The following PRKAG2 variants were observed in gnomAD, a reference collection of about 807,000 sequenced individuals.
PRKAG2 encodes the protein protein kinase AMP-activated non-catalytic subunit gamma 2.
Under a neutral mutation model 69.6 loss-of-function variants are expected in PRKAG2, and 26 were observed. The observed-to-expected ratio is 0.37, with a 90% CI of 0.27 to 0.52. PRKAG2 has a LOEUF of 0.52. Ranked by LOEUF, PRKAG2 falls within the 20% of genes least tolerant of loss-of-function variation. The pLI, the probability that PRKAG2 is intolerant of heterozygous loss-of-function variation, is 0.90. For missense variants in PRKAG2, 557 were observed against 740.0 expected (o/e 0.75, Z 2.87); for synonymous variants, 293 against 285.0 (o/e 1.03, Z -0.28).
chr7:151,749,794 A>AG (rs973930513), intron 3 of PRKAG2, among the ~76,000 whole-genome samples: 15 of 151,720 alleles, frequency 9.9e-5, no homozygotes, highest in Admixed American at 4.6e-4. Context: ...CTGAAAAAAA[A>AG]AAAAAAAAGG....
intron 3 of PRKAG2, among the ~76,000 whole-genome samples, chr7:151,680,725 T>C (rs1833751059): frequency 6.6e-6 from 1 of 152,232 alleles, no homozygotes; most frequent in East Asian, 1.9e-4. Flanking sequence ...ATTTAAGCAC[T>C]GACCTGCTTC....
intron 4 of PRKAG2, among the ~76,000 whole-genome samples, chr7:151,646,541 C>A (rs1213862344): frequency 6.6e-6 from 1 of 152,132 alleles, no homozygotes; most frequent in East Asian, 1.9e-4. Flanking sequence ...TGTGACCTTG[C>A]TAAATTCACT....
At chr7:151,858,340 T>C (rs188558047) in intron 1 of PRKAG2, among the ~76,000 whole-genome samples, 5 of 152,354 alleles carry the variant, frequency 3.3e-5, no homozygotes, top group Admixed American at 2.0e-4. Flanking sequence ...GCCCAATCTG[T>C]ACCACTTGGT....
chr7:151,633,834 AAT>A (rs1825267987), intron 4 of PRKAG2, among the ~76,000 whole-genome samples: 1 of 152,204 alleles, frequency 6.6e-6, no homozygotes, highest in Admixed American at 6.5e-5. Context: ...CTTTTGGTTT[AAT>A]GCAATTGCTA....
intron 5 of PRKAG2, among the ~76,000 whole-genome samples, chr7:151,608,098 C>T (rs1328453155): frequency 1.3e-5 from 2 of 152,092 alleles, no homozygotes; most frequent in African/African-American, 4.8e-5. Flanking sequence ...GGCGACGCAG[C>T]GACAAGCCAA....
chr7:151,700,580 G>A (rs1009944525), intron 3 of PRKAG2, among the ~76,000 whole-genome samples: 1 of 152,186 alleles, frequency 6.6e-6, no homozygotes, highest in Non-Finnish European at 1.5e-5. Flanking sequence ...TGGGATGGAG[G>A]TCCAGAAATT....
intron 1 of PRKAG2, among the ~76,000 whole-genome samples, chr7:151,842,062 T>C (rs1392029290): frequency 7.0e-6 from 1 of 142,596 alleles, no homozygotes; most frequent in African/African-American, 2.7e-5. Flanking sequence ...GTAGGGATGG[T>C]AGTGATGGTA....
intron 3 of PRKAG2, among the ~76,000 whole-genome samples, chr7:151,686,975 T>C (rs933132639): frequency 1.4e-4 from 21 of 152,226 alleles, no homozygotes; most frequent in African/African-American, 5.1e-4. Context: ...AAGGTTATTC[T>C]CCTAAAAGGA....
chr7:151,822,021 C>T (rs1224627079), intron 1 of PRKAG2, among the ~76,000 whole-genome samples: 2 of 152,220 alleles, frequency 1.3e-5, no homozygotes, highest in Non-Finnish European at 2.9e-5. Context: ...CACCCCAGTG[C>T]GTTCCAGTGC....
chr7:151,794,926 G>A (rs959395960), intron 1 of PRKAG2, among the ~76,000 whole-genome samples: 5 of 152,176 alleles, frequency 3.3e-5, no homozygotes, highest in Non-Finnish European at 5.9e-5. Flanking sequence ...GCCTCCTCAC[G>A]TTGTGGTGGA....
At chr7:151,851,338 T>C (rs2079562342) in intron 1 of PRKAG2, among the ~76,000 whole-genome samples, 1 of 143,562 alleles carries the variant, frequency 7.0e-6, no homozygotes. Context: ...TTGGGGCCTC[T>C]GGCAAAAAAA....
chr7:151,593,841 A>G (rs1255049049), intron 6 of PRKAG2, among the ~76,000 whole-genome samples: 1 of 152,254 alleles, frequency 6.6e-6, no homozygotes, highest in Non-Finnish European at 1.5e-5. Flanking sequence ...CCAATTTGCA[A>G]AAATCAATTG....
At chr7:151,630,378 T>A (rs1185710273) in intron 5 of PRKAG2, among the ~76,000 whole-genome samples, 1 of 152,212 alleles carries the variant, frequency 6.6e-6, no homozygotes, top group Non-Finnish European at 1.5e-5. Flanking sequence ...AAAAAGCTCA[T>A]GAATTCAGTA....
chr7:151,610,925 T>A (rs1796100406), intron 5 of PRKAG2, among the ~76,000 whole-genome samples: 1 of 151,742 alleles, frequency 6.6e-6, no homozygotes, highest in African/African-American at 2.4e-5. Flanking sequence ...CTAATTTTTG[T>A]ACTTTTTTTG....
intron 3 of PRKAG2, among the ~76,000 whole-genome samples, chr7:151,683,698 C>T (rs191092444): frequency 5.9e-5 from 9 of 152,220 alleles, no homozygotes; most frequent in East Asian, 5.8e-4. Context: ...TGGCGAGCGC[C>T]GTGAGGGGGA....
intron 3 of PRKAG2, among the ~76,000 whole-genome samples, chr7:151,701,523 G>A (rs370106727): frequency 6.6e-6 from 1 of 152,174 alleles, no homozygotes; most frequent in South Asian, 2.1e-4. Context: ...GCTGAGATTG[G>A]AGCGGTGCAT....
chr7:151,866,717 C>T (rs1181963926), intron 1 of PRKAG2, among the ~76,000 whole-genome samples: 4 of 152,156 alleles, frequency 2.6e-5, no homozygotes, highest in Non-Finnish European at 4.4e-5. Flanking sequence ...TGGCTGCTGG[C>T]ATGGCTGAGG....
chr7:151,861,018 T>C (rs985974893), intron 1 of PRKAG2, among the ~76,000 whole-genome samples: 1 of 152,220 alleles, frequency 6.6e-6, no homozygotes, highest in Non-Finnish European at 1.5e-5. Flanking sequence ...TTCAAGTTCC[T>C]GGCACGTGGA....
At chr7:151,791,882 G>A (rs1249603246) in intron 1 of PRKAG2, among the ~76,000 whole-genome samples, 1 of 152,178 alleles carries the variant, frequency 6.6e-6, no homozygotes, top group Non-Finnish European at 1.5e-5. Flanking sequence ...GCCTCATTTG[G>A]TCCTTACAGC....
Sources: allele counts gnomAD v4.1 joint callset (sites outside exome capture counted in the v4.1 genomes callset), GRCh38; gene constraint gnomAD v4.1.1; transcripts MANE v1.5; gene names NCBI Gene and HGNC (gene_info 2026-07-23, HGNC 2026-07-21).